CDH22: variants seen among roughly 807,000 people sequenced by gnomAD.
The protein encoded by CDH22 is cadherin 22, also known as cadherin-22.
Under a neutral mutation model 58.4 loss-of-function variants are expected in CDH22, and 30 were observed. The observed-to-expected ratio is 0.51, with a 90% CI of 0.38 to 0.70. The LOEUF is 0.70. Ranked by LOEUF, CDH22 falls within the 30% of genes least tolerant of loss-of-function variation. The pLI, the probability that CDH22 is intolerant of heterozygous loss-of-function variation, is 0.00. For missense variants in CDH22, 1,014 were observed against 1,233.9 expected, an observed-to-expected ratio of 0.82 and a Z score of 2.67; for synonymous variants, 513 against 558.2, an observed-to-expected ratio of 0.92 and a Z score of 1.14.
chr20:46,263,427 T>TGTGTGTGTGC (rs1555806387), intron 1 of CDH22, among the ~76,000 whole-genome samples: 1 of 128,758 alleles, frequency 7.8e-6, no homozygotes, highest in African/African-American at 2.9e-5. Context: ...TGTGTGTGTG[T>TGTGTGTGTGC]GCGTGTGTGT....
chr20:46,196,474 A>C (rs191588273), intron 8 of CDH22, among the ~76,000 whole-genome samples: 105 of 152,296 alleles, frequency 6.9e-4, no homozygotes, highest in African/African-American at 2.4e-3. Flanking sequence ...GGGTTTCGCC[A>C]TGTTGGCCAG....
intron 1 of CDH22, among the ~76,000 whole-genome samples, chr20:46,258,184 C>T (rs2086415604): frequency 6.6e-6 from 1 of 152,060 alleles, no homozygotes; most frequent in African/African-American, 2.4e-5. Context: ...TGGGTGCACA[C>T]ACATGACTGG....
At chr20:46,302,842 A>G (rs1436738155) in intron 1 of CDH22, among the ~76,000 whole-genome samples, 3 of 151,844 alleles carry the variant, frequency 2.0e-5, no homozygotes, top group African/African-American at 4.8e-5. Context: ...CACAACCCAC[A>G]CAGCCTCCCG....
rs145910163 is a variant in CDH22, at chr20:46,285,956, A to G, written c.-400+22299T>C. On this transcript the variant is annotated intron_variant, in intron 1 of 11. Transcript: ENST00000537909. ...TCCTAATCTCTAAAATGGGCACGAC[A>G]GGCTGTCTGTCCCAGCATTTTTGTC... 7.9e-5 allele frequency among the ~76,000 whole-genome samples: 12 copies of G among 152,334 alleles called. No individual in the cohort carries two copies. The East Asian group carries it at 2.1e-3, about 27-fold the overall frequency.
chr20:46,261,182 A>T (rs529247656), intron 1 of CDH22, among the ~76,000 whole-genome samples: 19 of 152,310 alleles, frequency 1.2e-4, no homozygotes, highest in South Asian at 8.3e-4. Flanking sequence ...GGCCAACATA[A>T]GGTGTAAATG....
chr20:46,264,850 C>CGTGCACACACACACACCGT (rs2086450495), intron 1 of CDH22, among the ~76,000 whole-genome samples: 12 of 148,628 alleles, frequency 8.1e-5, no homozygotes, highest in Admixed American at 6.6e-4. Flanking sequence ...ACACACACAC[C>CGTGCACACACACACACCGT]GTGCACACAC....
chr20:46,235,572 C>T (rs2086246553), intron 3 of CDH22, among the ~76,000 whole-genome samples: 1 of 152,210 alleles, frequency 6.6e-6, no homozygotes, highest in South Asian at 2.1e-4. Flanking sequence ...GTTCTGCAAA[C>T]TTGCTCTTCC....
In CDH22 at chr20:46,276,881, C is replaced by T. The variant is rs141066622; in HGVS notation, c.-399-25188G>A. ...GATGTCAAATGGATGGTTTATTTTG[C>T]GGGTCTGGAATCCAAAGAAGAAATC... On this transcript the variant is annotated intron_variant, in intron 1 of 11. Transcript: ENST00000537909. Among the ~76,000 whole-genome samples the T allele has an allele frequency of 2.6e-3, 395 of 152,294 alleles. 1 individual carries two copies. The highest frequency in any genetic ancestry group is 4.6e-3 in the Non-Finnish European group (310 of 68,020).
chr20:46,295,124 G>A (rs2086622892), intron 1 of CDH22, among the ~76,000 whole-genome samples: 1 of 152,226 alleles, frequency 6.6e-6, no homozygotes, highest in Non-Finnish European at 1.5e-5. Context: ...AGGTTCTGGG[G>A]TGTCTCTGAG....
intron 1 of CDH22, among the ~76,000 whole-genome samples, chr20:46,290,411 C>T (rs1257571779): frequency 6.6e-6 from 1 of 152,122 alleles, no homozygotes; most frequent in Non-Finnish European, 1.5e-5. Context: ...TTCTACAATG[C>T]CCGGGACAGC....
intron 1 of CDH22, among the ~76,000 whole-genome samples, chr20:46,303,616 G>A (rs924125215): frequency 6.6e-6 from 1 of 152,182 alleles, no homozygotes; most frequent in African/African-American, 2.4e-5. Flanking sequence ...AGGCAGATGG[G>A]TGATGCAAGG....
chr20:46,266,948 AG>A (rs201184493), intron 1 of CDH22, among the ~76,000 whole-genome samples: 1,739 of 150,440 alleles, frequency 0.012, 18 homozygotes, highest in Middle Eastern at 0.031. Flanking sequence ...ATGTTCTAAT[AG>A]GGTGCTTTCT....
At chr20:46,239,139 C>CT (rs1342369558) in intron 3 of CDH22, among the ~76,000 whole-genome samples, 1 of 152,204 alleles carries the variant, frequency 6.6e-6, no homozygotes, top group East Asian at 1.9e-4. Flanking sequence ...GTCTGTCTTC[C>CT]TTAGGAAGAA....
At chr20:46,240,618 G>A (rs750957848) in intron 3 of CDH22, among the ~76,000 whole-genome samples, 5 of 152,110 alleles carry the variant, frequency 3.3e-5, no homozygotes, top group Non-Finnish European at 7.4e-5. Flanking sequence ...AGTTGTATGC[G>A]GGGCTGGGCT....
chr20:46,277,674 A>G (rs908924545), intron 1 of CDH22, among the ~76,000 whole-genome samples: 9 of 151,754 alleles, frequency 5.9e-5, no homozygotes, highest in Non-Finnish European at 1.5e-5. Flanking sequence ...CCCGCCCCCC[A>G]CTGGTCCAGT....
At chr20:46,304,484 C>T (rs1178880716) in intron 1 of CDH22, among the ~76,000 whole-genome samples, 3 of 152,180 alleles carry the variant, frequency 2.0e-5, no homozygotes, top group Admixed American at 1.3e-4. Context: ...CAAACTCAGG[C>T]TGGTTGGACT....
intron 4 of CDH22, among the ~76,000 whole-genome samples, chr20:46,224,193 G>A (rs145471525): frequency 1.9e-4 from 29 of 152,206 alleles, no homozygotes; most frequent in African/African-American, 4.6e-4. Flanking sequence ...ATTAGGTTTC[G>A]TCCTCACACT....
Position 46,174,492 on chromosome 20 carries a change from G to A in CDH22, c.*14C>T. On this transcript the variant is annotated 3_prime_UTR_variant, in exon 12 of 12. Coordinates refer to ENST00000537909, the MANE Select transcript of CDH22 (RefSeq NM_021248.3). This position sits in a 1 kb window ranked among gnomAD's most constrained non-coding sequence, Gnocchi z 4.4. ...GGCGGGTGAGCAGCCGCGCCCCGAC[G>A]GCAGGGCGAGGGGCTAGGAGGCCTG... 3.4e-6 allele frequency: 5 copies of A among 1,460,522 alleles called. No individual in the cohort carries two copies. The highest frequency in any genetic ancestry group is 1.5e-5 in the African/African-American group (1 of 67,374). The allele number at this position is 1,460,522 out of a possible 1,614,324, so 90.5% of individuals were successfully genotyped here. A position where few individuals can be genotyped will look rare whatever the true frequency, so the allele number is the denominator to read the frequency against.
chr20:46,235,817 C>T (rs879408500), intron 3 of CDH22, among the ~76,000 whole-genome samples: 4 of 152,196 alleles, frequency 2.6e-5, no homozygotes, highest in Admixed American at 2.6e-4. Context: ...CATTGGCCTC[C>T]CTACTCCCAA....
Sources: gnomAD v4.1 joint callset for allele counts (sites outside exome capture counted in the v4.1 genomes callset) on GRCh38, gnomAD v4.1.1 for gene constraint, Gnocchi (gnomAD v3.1) non-coding constraint, MANE v1.5 for transcripts, NCBI Gene and HGNC (gene_info 2026-07-23, HGNC 2026-07-21) for gene names.